The following PBLD variants were observed in gnomAD, a reference collection of about 807,000 sequenced individuals.
PBLD encodes phenazine biosynthesis-like domain-containing protein.
A neutral mutation model predicts 31.3 loss-of-function variants in PBLD; 26 were observed. The ratio of observed to expected loss-of-function variants is 0.83; its 90% CI spans 0.61 to 1.15. PBLD has a LOEUF of 1.15. Ranked by LOEUF, PBLD falls within the 50% of genes most tolerant of loss-of-function variation. The pLI, the probability that PBLD is intolerant of heterozygous loss-of-function variation, is 0.00. For missense variants in PBLD, 307 were observed against 351.7 expected (o/e 0.87, Z 1.02); for synonymous variants, 114 against 129.0 (o/e 0.88, Z 0.79).
chr10:68,293,197 G>A (rs927303406), intron 4 of PBLD, among the ~76,000 whole-genome samples: 3 of 152,188 alleles, frequency 2.0e-5, no homozygotes, highest in Non-Finnish European at 4.4e-5. Context: ...ATATCCAGCA[G>A]CAACAACCAT....
intron 2 of PBLD, among the ~76,000 whole-genome samples, chr10:68,298,780 AC>A (rs1354589078): frequency 4.6e-5 from 7 of 151,626 alleles, no homozygotes; most frequent in African/African-American, 7.3e-5. Flanking sequence ...ACACACACAC[AC>A]ACACACACAC....
At chr10:68,319,110 A>AGAAC (rs1413758797) in intron 1 of PBLD, among the ~76,000 whole-genome samples, 1 of 97,442 alleles carries the variant, frequency 1.0e-5, no homozygotes, top group Non-Finnish European at 2.0e-5. Flanking sequence ...AAAGAAAGAA[A>AGAAC]GGAAAAAGAA....
chr10:68,310,853 T>C (rs1323882591), intron 1 of PBLD, among the ~76,000 whole-genome samples: 2 of 137,784 alleles, frequency 1.5e-5, no homozygotes, highest in Non-Finnish European at 3.1e-5. Context: ...TGGGGTTACA[T>C]CTCAATAAAC....
chr10:68,292,165 G>T lies in PBLD; in HGVS notation c.357C>A (p.Ile119=), dbSNP rs1269632031. ...CTGGATAAAGAGGCAAGTCCAGGAC[G>T]ATGCCATCCTCTGCTCGTCTGGCCC... is the stretch of plus-strand genomic sequence containing the variant. ...ELRARRAEDG[I]VLDLPLYPAH... The change falls in exon 5 of 10, where the codon ATC becomes ATA. Residue 119 remains isoleucine (I), a synonymous_variant. Transcript: ENST00000358769. The T allele has an allele frequency of 6.2e-7, 1 of 1,613,850 alleles. No individual in the cohort carries two copies. Among genetic ancestry groups the T allele is most frequent in the Admixed American group, 1.7e-5 (1 of 59,982 alleles).
intron 1 of PBLD, among the ~76,000 whole-genome samples, chr10:68,319,461 T>C (rs1374263955): frequency 3.9e-5 from 6 of 152,192 alleles, no homozygotes; most frequent in African/African-American, 4.8e-5. Context: ...GACAGGTGGA[T>C]TGCTTGAGGC....
chr10:68,289,663 T>TCACACACACACACA (rs1183126379), intron 6 of PBLD, among the ~76,000 whole-genome samples: 24,243 of 136,020 alleles, frequency 0.18, 2,716 homozygotes, highest in Middle Eastern at 0.34. Context: ...AGGCCAAAGA[T>TCACACACACACACA]CACACACACA....
At chr10:68,327,336 AG>A (rs1340168391) in intron 1 of PBLD, among the ~76,000 whole-genome samples, 1 of 152,112 alleles carries the variant, frequency 6.6e-6, no homozygotes, top group Admixed American at 6.5e-5. Flanking sequence ...TTAAAAACAT[AG>A]GTATATGAAT....
Position 68,291,866 on chromosome 10 carries a change from A to G in PBLD, c.423+144T>C, listed in dbSNP as rs2134434627. Reference sequence around the variant, plus strand: ...GAAAACTGGTCAACCTTCTCACCAAATAGACTGAATATTAAAATTCAAACC... The same window carrying G: ...GAAAACTGGTCAACCTTCTCACCAAGTAGACTGAATATTAAAATTCAAACC... On this transcript the variant is annotated intron_variant, in intron 6 of 9. Transcript: ENST00000358769. 4 of 938,130 alleles carry G rather than the reference A, an allele frequency of 4.3e-6. No homozygotes were observed. In the South Asian group the frequency reaches 5.2e-5, roughly 12 times the overall value. The allele number at this position is 938,130 out of a possible 1,614,324, so 58.1% of individuals were successfully genotyped here.
intron 2 of PBLD, among the ~76,000 whole-genome samples, chr10:68,304,541 A>G (rs1229668083): frequency 5.9e-5 from 9 of 152,202 alleles, no homozygotes; most frequent in Admixed American, 1.3e-4. Flanking sequence ...AACATACAAA[A>G]TATGTTTTAA....
At chr10:68,323,729 T>C (rs185305050) in intron 1 of PBLD, among the ~76,000 whole-genome samples, 81 of 152,350 alleles carry the variant, frequency 5.3e-4, no homozygotes, top group Middle Eastern at 6.8e-3. Flanking sequence ...TCCTTTTATG[T>C]AGAATATTCA....
chr10:68,318,598 T>C (rs769804665), intron 1 of PBLD, among the ~76,000 whole-genome samples: 2 of 151,412 alleles, frequency 1.3e-5, no homozygotes, highest in Non-Finnish European at 2.9e-5. Flanking sequence ...TGTAAAAAGA[T>C]ATATTTGAAT....
intron 2 of PBLD, among the ~76,000 whole-genome samples, chr10:68,301,191 C>T (rs559967749): frequency 2.3e-4 from 35 of 152,232 alleles, no homozygotes; most frequent in Non-Finnish European, 4.1e-4. Context: ...CCACCGCACC[C>T]GCCCATTCTC....
chr10:68,321,257 T>C (rs2044831455), intron 1 of PBLD, among the ~76,000 whole-genome samples: 1 of 152,254 alleles, frequency 6.6e-6, no homozygotes, highest in African/African-American at 2.4e-5. Context: ...GAGAACTGAC[T>C]GTAGCTGGAG....
chr10:68,303,822 C>CAAA (rs11372100), intron 2 of PBLD, among the ~76,000 whole-genome samples: 1 of 149,080 alleles, frequency 6.7e-6, no homozygotes, highest in Non-Finnish European at 1.5e-5. Context: ...AACAAAGCTA[C>CAAA]AAAAAAAAAA....
intron 1 of PBLD, among the ~76,000 whole-genome samples, chr10:68,322,905 A>C (rs573248588): frequency 4.0e-5 from 6 of 149,556 alleles, no homozygotes; most frequent in African/African-American, 1.5e-4. Context: ...TGGCTAACTT[A>C]AAAAAAAAAT....
chr10:68,317,705 C>T (rs6480327), intron 1 of PBLD, among the ~76,000 whole-genome samples: 15,540 of 151,664 alleles, frequency 0.1, 1,139 homozygotes, highest in South Asian at 0.23. Context: ...GGTTGAGGCA[C>T]GAGAATCGGT....
At chr10:68,302,876 A>G (rs1170726531) in intron 2 of PBLD, among the ~76,000 whole-genome samples, 1 of 151,658 alleles carries the variant, frequency 6.6e-6, no homozygotes, top group East Asian at 1.9e-4. Context: ...TTAAAAAAAA[A>G]AAAGCACCAC....
At chr10:68,303,376 G>A (rs999173835) in intron 2 of PBLD, among the ~76,000 whole-genome samples, 23 of 150,078 alleles carry the variant, frequency 1.5e-4, no homozygotes, top group Admixed American at 1.0e-3. Context: ...GTGAACCACC[G>A]CACCCAGACA....
intron 1 of PBLD, among the ~76,000 whole-genome samples, chr10:68,319,699 C>T (rs371370282): frequency 9.3e-5 from 14 of 151,106 alleles, no homozygotes; most frequent in African/African-American, 3.2e-4. Context: ...CCGGCCAGGG[C>T]GACAGACAAA....
Sources: gnomAD v4.1 joint callset for allele counts (sites outside exome capture counted in the v4.1 genomes callset) on GRCh38, gnomAD v4.1.1 for gene constraint, MANE v1.5 for transcripts, NCBI Gene and HGNC (gene_info 2026-07-23, HGNC 2026-07-21) for gene names.